The following OVCH1 variants were observed in gnomAD, a reference collection of about 807,000 sequenced individuals.
OVCH1 encodes the protein ovochymase-1.
A neutral mutation model predicts 138.4 loss-of-function variants in OVCH1; 139 were observed. The observed-to-expected ratio is 1.00, with a 90% confidence interval of 0.87 to 1.16. The LOEUF is 1.16. Ranked by LOEUF, OVCH1 falls within the 50% of genes most tolerant of loss-of-function variation. OVCH1 has a pLI of 0.00. For synonymous variants in OVCH1, 453 were observed against 467.8 expected, an observed-to-expected ratio of 0.97 and a Z score of 0.41; for missense variants, 1,367 against 1,357.9, an observed-to-expected ratio of 1.01 and a Z score of -0.11.
Position 29,475,113 on chromosome 12 carries a change from A to G in OVCH1, c.1548T>C (p.Asp516=), listed in dbSNP as rs530761993. 1.7e-4 allele frequency: 273 copies of G among 1,577,832 alleles called. 3 individuals carry two copies. The South Asian group carries it at 2.1e-3, about 12-fold the overall frequency. The change falls in exon 14 of 28, where the codon GAT becomes GAC. Residue 516 remains aspartate (D), a synonymous_variant. Transcript: ENST00000318184. ...TGAAGCCTTGTAAACGATTTTTACCATCACTTTTAAAGTATATCACCGTCA... is the reference window on the plus strand; with the variant it reads ...TGAAGCCTTGTAAACGATTTTTACCGTCACTTTTAAAGTATATCACCGTCA...
chr12:29,413,981 T>C (rs2135873453), intron 3 of OVCH1, among the ~76,000 whole-genome samples: 1 of 152,048 alleles, frequency 6.6e-6, no homozygotes. Context: ...CCAACATATG[T>C]TTTTTAACCA....
chr12:29,478,846 C>G lies in OVCH1; in HGVS notation c.1058G>C (p.Gly353Ala). The G allele has an allele frequency of 6.3e-7, 1 of 1,587,348 alleles. No individual in the cohort carries two copies. The highest frequency in any genetic ancestry group is 8.6e-7 in the Non-Finnish European group (1 of 1,167,902). The change falls in exon 9 of 28, where the codon GGA (glycine) becomes GCA (alanine). Residue 353 changes from glycine to alanine, a missense_variant. Transcript: ENST00000318184. ...TGTAACATACTTACTAAAAAGCACT[C>G]CACTGCTTGATCGTAAAGATACATA...
At chr12:29,403,751 A>C in the OVCH1 span, among the ~76,000 whole-genome samples, 1 of 152,152 alleles carries the variant, frequency 6.6e-6, no homozygotes, top group African/African-American at 2.4e-5. Context: ...ACTGGCAGGG[A>C]CCTTTCCTAT....
In OVCH1 at chr12:29,467,909, C is replaced by T. The variant is rs558388429; in HGVS notation, c.1857-2690G>A. Among the ~76,000 whole-genome samples, 13 of 152,166 alleles carry T rather than the reference C, an allele frequency of 8.5e-5. No homozygotes were observed. In the South Asian group the frequency reaches 1.5e-3, roughly 17 times the overall value. Reference sequence around the variant, plus strand: ...GCCAGGGAAGCTAAAAGGCAGGGCACGTGTAGGACATAGGGTTTTTGTTAC... The same window carrying T: ...GCCAGGGAAGCTAAAAGGCAGGGCATGTGTAGGACATAGGGTTTTTGTTAC... On this transcript the variant is annotated intron_variant, in intron 16 of 27. Coordinates refer to ENST00000318184, the Ensembl canonical transcript of OVCH1.
At chr12:29,457,548 C>T (rs369000748) in intron 19 of OVCH1, among the ~76,000 whole-genome samples, 244 of 151,378 alleles carry the variant, frequency 1.6e-3, no homozygotes, top group African/African-American at 5.6e-3. Flanking sequence ...GGACTACAGA[C>T]GCGCACCGTC....
rs147017852 is a variant in OVCH1, at chr12:29,474,505, C to T, written c.1600+556G>A. ...ATCAAAAGTTAGCTAGCTATCCTAT[C>T]ACTCTGGCACTTATAATTTAATGCC... On this transcript the variant is annotated intron_variant, in intron 14 of 27. Transcript: ENST00000318184. Among the ~76,000 whole-genome samples, 160 of 152,316 alleles carry T rather than the reference C, an allele frequency of 1.1e-3. 2 individuals are homozygous for T. Among genetic ancestry groups the T allele is most frequent in the African/African-American group, 3.7e-3 (152 of 41,590 alleles).
In OVCH1 at chr12:29,475,082, TG is replaced by T; in HGVS notation, c.1578del (p.Arg527AspfsTer10). ...TCACCTGAGGGCAAAATGGTAAATC[TG>T]GCCTTGAAGCCTTGTAAACGATTTT... On this transcript the variant is annotated frameshift_variant, in exon 14 of 28. Transcript: ENST00000318184. LOFTEE classifies it high-confidence loss of function. 6.3e-7 allele frequency: 1 copy of T among 1,586,558 alleles called. No individual in the cohort carries two copies. Among genetic ancestry groups the T allele is most frequent in the Non-Finnish European group, 8.6e-7 (1 of 1,164,848 alleles).
At chr12:29,474,258 G>C (rs1942628507) in intron 14 of OVCH1, among the ~76,000 whole-genome samples, 1 of 152,126 alleles carries the variant, frequency 6.6e-6, no homozygotes, top group East Asian at 1.9e-4. Context: ...TTGCATGTAA[G>C]TTCATTCATA....
chr12:29,417,513 G>T (rs1458402605), intron 3 of OVCH1, among the ~76,000 whole-genome samples: 5 of 146,364 alleles, frequency 3.4e-5, no homozygotes, highest in Non-Finnish European at 6.0e-5. Context: ...TGGGGTGATT[G>T]ATAGAAATGT....
At chr12:29,488,052 A>AT (rs1272163208) in intron 6 of OVCH1, among the ~76,000 whole-genome samples, 170 bp from the exon 7 acceptor site, 1 of 152,122 alleles carries the variant, frequency 6.6e-6, no homozygotes, top group Non-Finnish European at 1.5e-5. Flanking sequence ...TGTCCTTATC[A>AT]TTAGTTTCAA....
intron 4 of OVCH1, among the ~76,000 whole-genome samples, chr12:29,492,954 C>T: frequency 6.6e-6 from 1 of 152,096 alleles, no homozygotes; most frequent in South Asian, 2.1e-4. Context: ...AAAACTCTTA[C>T]CCAGAAAGAT....
chr12:29,433,435 C>T (rs1941305222), intron 27 of OVCH1, among the ~76,000 whole-genome samples: 1 of 152,198 alleles, frequency 6.6e-6, no homozygotes, highest in African/African-American at 2.4e-5. Flanking sequence ...GCCTCTCAAG[C>T]TGTGTGGAAC....
chr12:29,496,782 G>T, intron 1 of OVCH1, 108 bp from the exon 2 acceptor site: 1 of 725,892 alleles, frequency 1.4e-6, no homozygotes, highest in Non-Finnish European at 2.3e-6. Flanking sequence ...CATTCTGATA[G>T]CACTTAGCTG....
the OVCH1 span, among the ~76,000 whole-genome samples, chr12:29,402,632 A>C: frequency 6.6e-6 from 1 of 151,676 alleles, no homozygotes; most frequent in Non-Finnish European, 1.5e-5. Context: ...AGAGTATAAG[A>C]GATTGGGGAG....
chr12:29,491,082 T>C lies in OVCH1; in HGVS notation c.550+15A>G. 6.2e-7 allele frequency: 1 copy of C among 1,602,128 alleles called. No individual in the cohort carries two copies. The highest frequency in any genetic ancestry group is 8.6e-7 in the Non-Finnish European group (1 of 1,169,358). Reference sequence around the variant, plus strand: ...AGAGCTGGAAGAAGTATTAAGTCATTTTGGTGTCTCTTACTTTTGGAAATC... The same window carrying C: ...AGAGCTGGAAGAAGTATTAAGTCATCTTGGTGTCTCTTACTTTTGGAAATC... On this transcript the variant is annotated intron_variant, in intron 5 of 27. Coordinates refer to ENST00000318184, the Ensembl canonical transcript of OVCH1.
At chr12:29,468,289 A>G (rs1191120556) in intron 16 of OVCH1, among the ~76,000 whole-genome samples, 1 of 152,190 alleles carries the variant, frequency 6.6e-6, no homozygotes, top group East Asian at 1.9e-4. Context: ...CCCCAAAAGC[A>G]TTACTATTAT....
intron 1 of OVCH1, 50 bp from the exon 2 acceptor site, chr12:29,496,724 T>A (rs551357657): frequency 7.2e-5 from 99 of 1,374,050 alleles, no homozygotes; most frequent in Non-Finnish European, 8.8e-5. Flanking sequence ...TATGTAAGAG[T>A]TCACTTTACC....
chr12:29,427,642 C>T (rs1268343076), exon 28 of OVCH1: 1 of 1,550,754 alleles, frequency 6.4e-7, no homozygotes, highest in African/African-American at 1.4e-5. Context: ...TTCTCAGCCT[C>T]CATACTGTGA....
chr12:29,495,908 C>T (rs560859007), intron 3 of OVCH1, among the ~76,000 whole-genome samples: 255 of 152,250 alleles, frequency 1.7e-3, no homozygotes, highest in Non-Finnish European at 3.2e-3. Context: ...CTTGTTAATG[C>T]TTTATTACAG....
Sources: allele counts gnomAD v4.1 joint callset (sites outside exome capture counted in the v4.1 genomes callset), GRCh38; gene constraint gnomAD v4.1.1; transcripts MANE v1.5; gene names NCBI Gene and HGNC (gene_info 2026-07-23, HGNC 2026-07-21).